The following LDLRAD4 variants were observed in gnomAD, a reference collection of about 807,000 sequenced individuals.
LDLRAD4 encodes low-density lipoprotein receptor class A domain-containing protein 4.
LDLRAD4 carries 5 observed loss-of-function variants against 17.0 expected under a neutral mutation model. The ratio of observed to expected loss-of-function variants is 0.29; its 90% CI spans 0.15 to 0.62. The LOEUF (loss-of-function observed/expected upper bound fraction) is 0.62, where lower values mean the gene tolerates loss of function less well. Among genes scored for constraint, LDLRAD4 ranks in the 20% least tolerant of loss-of-function variants. LDLRAD4 has a pLI of 0.84. For synonymous variants in LDLRAD4, 168 were observed against 171.8 expected (o/e 0.98, Z 0.17); for missense variants, 340 against 424.7 (o/e 0.80, Z 1.75).
chr18:13,325,397 A>ACGG (rs1178640905), intron 1 of LDLRAD4, among the ~76,000 whole-genome samples: 1 of 152,108 alleles, frequency 6.6e-6, no homozygotes, highest in Non-Finnish European at 1.5e-5. Flanking sequence ...AGCCTTTGAG[A>ACGG]CGGCTCCAAC....
chr18:13,298,317 T>TGGA (rs2046382439), intron 1 of LDLRAD4, among the ~76,000 whole-genome samples: 1 of 141,968 alleles, frequency 7.0e-6, no homozygotes, highest in Non-Finnish European at 1.5e-5. Flanking sequence ...ACGGTGATGT[T>TGGA]GCTGCTCCGG....
intron 3 of LDLRAD4, among the ~76,000 whole-genome samples, chr18:13,449,985 G>A (rs769189266): frequency 6.6e-6 from 1 of 152,256 alleles, no homozygotes; most frequent in South Asian, 2.1e-4. Context: ...TTGACTTCAC[G>A]TGACTTTTTG....
chr18:13,453,584 G>A (rs925392910), intron 3 of LDLRAD4, among the ~76,000 whole-genome samples: 1 of 152,196 alleles, frequency 6.6e-6, no homozygotes, highest in African/African-American at 2.4e-5. Context: ...ACTTTAATGA[G>A]ATAAATATTA....
chr18:13,350,401 A>G (rs1343729072), intron 1 of LDLRAD4, among the ~76,000 whole-genome samples: 1 of 152,054 alleles, frequency 6.6e-6, no homozygotes, highest in African/African-American at 2.4e-5. Flanking sequence ...GCTTTGTTTC[A>G]TTGTTTGTTG....
intron 1 of LDLRAD4, among the ~76,000 whole-genome samples, chr18:13,248,350 C>A (rs1033066793): frequency 6.6e-6 from 1 of 152,260 alleles, no homozygotes; most frequent in Non-Finnish European, 1.5e-5. Context: ...CCACATCATA[C>A]TTCCCCTCGG....
chr18:13,307,267 G>A (rs10163824), intron 1 of LDLRAD4, among the ~76,000 whole-genome samples: 67 of 152,086 alleles, frequency 4.4e-4, no homozygotes, highest in Admixed American at 1.2e-3. Flanking sequence ...TCTCTGCCCC[G>A]CCTGAGACAG....
chr18:13,234,435 G>A (rs997747247), intron 1 of LDLRAD4, among the ~76,000 whole-genome samples: 1 of 61,674 alleles, frequency 1.6e-5, no homozygotes, highest in South Asian at 3.9e-4. Context: ...TCCCTGTCCT[G>A]GCCCAGCATC....
At chr18:13,524,481 G>A (rs1366245001) in intron 3 of LDLRAD4, among the ~76,000 whole-genome samples, 1 of 152,100 alleles carries the variant, frequency 6.6e-6, no homozygotes, top group East Asian at 1.9e-4. Context: ...TCTGTTATCT[G>A]GGAACAGAGT....
Position 13,591,994 on chromosome 18 carries a change from A to ATTG in LDLRAD4, c.182-29121_182-29120insGTT, listed in dbSNP as rs1439600460. ...AGGGTGTCGGGTTCCAGCTCAGCTC[A>ATTG]TTCAACCACAAGGACATCACCCTGG... On this transcript the variant is annotated intron_variant, in intron 3 of 5. Coordinates refer to ENST00000359446, the Ensembl canonical transcript of LDLRAD4. 5.9e-5 allele frequency among the ~76,000 whole-genome samples: 9 copies of ATTG among 152,352 alleles called. No individual in the cohort carries two copies. In the East Asian group the frequency reaches 1.7e-3, roughly 29 times the overall value.
rs1041685301 is a variant in LDLRAD4 at position 13,326,540 on chromosome 18, G to T, written c.-383+48352G>T. Among the ~76,000 whole-genome samples, 13 of 152,230 alleles carry T rather than the reference G, an allele frequency of 8.5e-5. No homozygotes were observed. In the East Asian group the frequency reaches 9.6e-4, roughly 11 times the overall value. On this transcript the variant is annotated intron_variant, in intron 1 of 5. Coordinates refer to ENST00000359446, the Ensembl canonical transcript of LDLRAD4. ...AGACTTCAGTTTTAACCTAGAATCA[G>T]ATTGTAGACGTGAAGTTACAATGAG...
intron 2 of LDLRAD4, 47 bp from the exon 4 acceptor site, chr18:13,438,197 A>C: frequency 6.3e-7 from 1 of 1,585,616 alleles, no homozygotes; most frequent in East Asian, 2.2e-5. Context: ...GCTCAAGAGC[A>C]CCAAGCTTGC....
chr18:13,316,236 G>A (rs190692397), intron 1 of LDLRAD4, among the ~76,000 whole-genome samples: 22 of 152,360 alleles, frequency 1.4e-4, no homozygotes, highest in South Asian at 6.2e-4. Flanking sequence ...AGATGGAGCT[G>A]GAGGTGCATC....
chr18:13,633,855 A>G (rs916413388), intron 4 of LDLRAD4, among the ~76,000 whole-genome samples: 1 of 152,098 alleles, frequency 6.6e-6, no homozygotes, highest in Admixed American at 6.5e-5. Context: ...TGCCCTACCA[A>G]CTCAGAAGAG....
At chr18:13,558,723 G>A (rs1305663926) in intron 3 of LDLRAD4, among the ~76,000 whole-genome samples, 2 of 152,122 alleles carry the variant, frequency 1.3e-5, no homozygotes, top group Non-Finnish European at 2.9e-5. Context: ...TTTGCTATTA[G>A]CCAGTGTAAC....
At chr18:13,591,734 C>T (rs1280281807) in intron 3 of LDLRAD4, among the ~76,000 whole-genome samples, 1 of 152,166 alleles carries the variant, frequency 6.6e-6, no homozygotes, top group Non-Finnish European at 1.5e-5. Context: ...ACAATATATG[C>T]AGTGGAATTC....
intron 3 of LDLRAD4, among the ~76,000 whole-genome samples, chr18:13,541,112 G>C (rs981402216): frequency 6.6e-6 from 1 of 152,266 alleles, no homozygotes; most frequent in Non-Finnish European, 1.5e-5. Context: ...AAGCCAGCCC[G>C]ACCCCGCAAG....
In LDLRAD4 at chr18:13,645,182, G is replaced by C. The variant is rs777880263; in HGVS notation, c.446G>C (p.Arg149Thr). ...TTCACAGCGCCGTCCTTCATCCAGA[G>C]GGATCGCTTCAGCCGCTTCCAGCCC... The change falls in exon 6 of 6, where the codon AGG (arginine) becomes ACG (threonine). Residue 149 changes from arginine (R) to threonine (T), a missense_variant. Transcript: ENST00000359446. This position sits in a 1 kb window ranked among gnomAD's most constrained non-coding sequence, Gnocchi z 5.7. 6.2e-7 allele frequency: 1 copy of C among 1,614,020 alleles called. No individual in the cohort carries two copies. Among genetic ancestry groups the C allele is most frequent in the Non-Finnish European group, 8.5e-7 (1 of 1,179,998 alleles).
At chr18:13,363,068 C>T (rs964885142) in intron 1 of LDLRAD4, among the ~76,000 whole-genome samples, 9 of 151,856 alleles carry the variant, frequency 5.9e-5, no homozygotes, top group Non-Finnish European at 7.4e-5. Context: ...TGGTGGCTCA[C>T]GCCTGTAATC....
At chr18:13,251,810 G>C (rs2145830251) in intron 1 of LDLRAD4, among the ~76,000 whole-genome samples, 1 of 152,290 alleles carries the variant, frequency 6.6e-6, no homozygotes, top group African/African-American at 2.4e-5. Flanking sequence ...CTTCAATGAA[G>C]CCTCTGTTTG....
Sources: allele counts gnomAD v4.1 joint callset (sites outside exome capture counted in the v4.1 genomes callset), GRCh38; gene constraint gnomAD v4.1.1; non-coding constraint Gnocchi (gnomAD v3.1); transcripts MANE v1.5; gene names NCBI Gene and HGNC (gene_info 2026-07-23, HGNC 2026-07-21).